Variants in ELOVL6 observed in about 807,000 individuals in gnomAD.
The protein encoded by ELOVL6 is very long chain fatty acid elongase 6.
Under a neutral mutation model 31.7 loss-of-function variants are expected in ELOVL6, and 8 were observed. That is an observed-to-expected ratio of 0.25 (90% CI 0.15 to 0.45). The LOEUF (loss-of-function observed/expected upper bound fraction) is 0.45. ELOVL6 is among the 20% of genes least tolerant of loss of function. The pLI is 1.00. For synonymous variants in ELOVL6, 101 were observed against 117.7 expected (o/e 0.86, Z 0.92); for missense variants, 126 against 326.4 (o/e 0.39, Z 4.73).
rs78751386 is a variant in ELOVL6 at position 110,069,321 on chromosome 4, C to CT, written c.222-9568dup. Among the ~76,000 whole-genome samples, 51 of 147,856 alleles carry CT rather than the reference C, an allele frequency of 3.4e-4. 1 individual carries two copies. The highest frequency in any genetic ancestry group is 3.5e-3 in the Middle Eastern group (1 of 282). On this transcript the variant is annotated intron_variant, in intron 2 of 3. Coordinates refer to ENST00000302274, the MANE Select transcript of ELOVL6 (RefSeq NM_024090.3). The stretch of plus-strand genomic sequence containing the variant: ...GCAGGATTTATGTCACTTAAGCTAC[C>CT]TTTTTTTTTTTCTTTGAGATATAAA...
chr4:110,177,286 G>A (rs932345213), intron 1 of ELOVL6, among the ~76,000 whole-genome samples: 2 of 152,046 alleles, frequency 1.3e-5, no homozygotes, highest in African/African-American at 2.4e-5. Flanking sequence ...AAAAATTTTA[G>A]AATTTGTCAG....
At chr4:110,098,900 C>G (rs1479651655) in intron 2 of ELOVL6, among the ~76,000 whole-genome samples, 1 of 152,104 alleles carries the variant, frequency 6.6e-6, no homozygotes, top group Non-Finnish European at 1.5e-5. Context: ...CAATCATTGT[C>G]ATCATCATTG....
chr4:110,186,828 T>A (rs1390655007), intron 1 of ELOVL6, among the ~76,000 whole-genome samples: 40 of 132,478 alleles, frequency 3.0e-4, no homozygotes, highest in Middle Eastern at 3.8e-3. Context: ...AAAAAATATA[T>A]ATATATATAT....
chr4:110,172,419 T>C (rs1758975709), intron 1 of ELOVL6, among the ~76,000 whole-genome samples: 1 of 152,232 alleles, frequency 6.6e-6, no homozygotes, highest in Non-Finnish European at 1.5e-5. Context: ...AGGAACTTAA[T>C]TCTTATATTC....
chr4:110,078,216 T>A (rs1189643377), intron 2 of ELOVL6, among the ~76,000 whole-genome samples: 1 of 152,164 alleles, frequency 6.6e-6, no homozygotes, highest in African/African-American at 2.4e-5. Context: ...AGGACAACAT[T>A]CATATTCAGG....
At position 110,083,972 on chromosome 4, in the gene ELOVL6, A is replaced by AT. The variant is rs368537266; in HGVS notation, c.221+21524_221+21525insA. Among the ~76,000 whole-genome samples the AT allele has an allele frequency of 1.1e-4, 11 of 97,544 alleles. 1 individual carries two copies. Among genetic ancestry groups the AT allele is most frequent in the Non-Finnish European group, 2.7e-4 (11 of 41,508 alleles). 64.0% of individuals were successfully genotyped at this position (97,544 alleles called of 152,430 possible). On this transcript the variant is annotated intron_variant, in intron 2 of 3. Transcript: ENST00000302274. Reference sequence around the variant, plus strand: ...ATGTTATATATGATATATATGATATAACATATGCCATATACGATATATAAC... The same window carrying AT: ...ATGTTATATATGATATATATGATATATACATATGCCATATACGATATATAAC...
chr4:110,165,022 T>G (rs80063223), intron 1 of ELOVL6, among the ~76,000 whole-genome samples: 5,313 of 152,142 alleles, frequency 0.035, 310 homozygotes, highest in African/African-American at 0.12. Flanking sequence ...ATTTCCTGAA[T>G]GTAATGTGGT....
chr4:110,107,604 G>A (rs1415787628), intron 1 of ELOVL6, among the ~76,000 whole-genome samples: 3 of 152,108 alleles, frequency 2.0e-5, no homozygotes, highest in Admixed American at 6.5e-5. Flanking sequence ...AGTACTTTTG[G>A]CCATAAATTA....
intron 1 of ELOVL6, among the ~76,000 whole-genome samples, chr4:110,153,251 G>C (rs923013697): frequency 5.9e-5 from 9 of 152,160 alleles, no homozygotes; most frequent in African/African-American, 2.2e-4. Flanking sequence ...CAGTAAAATT[G>C]TGGTACACAT....
rs148102568 is a variant in ELOVL6, at chr4:110,192,046, C to T, written c.89+6201G>A. Among the ~76,000 whole-genome samples the T allele has an allele frequency of 5.2e-3, 793 of 151,774 alleles. 8 individuals are homozygous for T. Among genetic ancestry groups the T allele is most frequent in the Middle Eastern group, 0.021 (6 of 288 alleles). ...TTCTACTAAATACAAAAAAATCAGC[C>T]GGGTGTAGTGGCGCATGCCTGTAAA... On this transcript the variant is annotated intron_variant, in intron 1 of 3. Coordinates refer to ENST00000302274, the MANE Select transcript of ELOVL6 (RefSeq NM_024090.3).
intron 3 of ELOVL6, 36 bp downstream of exon 3, chr4:110,059,567 C>G (rs1425136345): frequency 1.3e-6 from 2 of 1,592,796 alleles, no homozygotes; most frequent in South Asian, 2.3e-5. Flanking sequence ...TATGTTGCTA[C>G]AAAGAGAGGG....
intron 2 of ELOVL6, among the ~76,000 whole-genome samples, chr4:110,082,766 C>T (rs1755906631): frequency 6.6e-6 from 1 of 152,108 alleles, no homozygotes; most frequent in South Asian, 2.1e-4. Context: ...TAAAAAATCA[C>T]CTAGCAACAT....
intron 1 of ELOVL6, among the ~76,000 whole-genome samples, chr4:110,169,464 A>G (rs1758880127): frequency 6.6e-6 from 1 of 151,286 alleles, no homozygotes; most frequent in African/African-American, 2.4e-5. Context: ...GCTGGCCTGT[A>G]ACTCCTGACC....
At chr4:110,129,949 A>T (rs1757621040) in intron 1 of ELOVL6, among the ~76,000 whole-genome samples, 1 of 121,920 alleles carries the variant, frequency 8.2e-6, no homozygotes, top group East Asian at 2.7e-4. Flanking sequence ...ACCAGGCTGG[A>T]GTGCAGTAAT....
At chr4:110,174,050 T>C (rs560816456) in intron 1 of ELOVL6, among the ~76,000 whole-genome samples, 1 of 151,872 alleles carries the variant, frequency 6.6e-6, no homozygotes, top group Non-Finnish European at 1.5e-5. Context: ...AAAAATAGCA[T>C]GACTTTCAAT....
intron 1 of ELOVL6, among the ~76,000 whole-genome samples, chr4:110,130,691 A>T (rs1239801821): frequency 6.6e-6 from 1 of 152,200 alleles, no homozygotes; most frequent in Non-Finnish European, 1.5e-5. Context: ...CCGGCCAAGG[A>T]TTGGATAGTT....
intron 1 of ELOVL6, among the ~76,000 whole-genome samples, chr4:110,110,372 CG>C (rs1560826934): frequency 1.3e-5 from 1 of 75,662 alleles, no homozygotes; most frequent in African/African-American, 1.4e-4. Flanking sequence ...ATTTTTTTTA[CG>C]TTAAAAAAAA....
At chr4:110,158,801 C>T (rs1201062903) in intron 1 of ELOVL6, among the ~76,000 whole-genome samples, 2 of 151,434 alleles carry the variant, frequency 1.3e-5, no homozygotes, top group African/African-American at 4.9e-5. Flanking sequence ...GCTGGGACTA[C>T]AGGCGCATGC....
intron 2 of ELOVL6, among the ~76,000 whole-genome samples, chr4:110,084,584 ATATATTTTTTTTTT>A (rs1411419616): frequency 0.07 from 3,798 of 54,494 alleles, 148 homozygotes; most frequent in South Asian, 0.092. Flanking sequence ...ATATATATAT[ATATATTTTTTTTTT>A]TTTTTTTTTT....
Sources: gnomAD v4.1 joint callset for allele counts (sites outside exome capture counted in the v4.1 genomes callset) on GRCh38, gnomAD v4.1.1 for gene constraint, MANE v1.5 for transcripts, NCBI Gene and HGNC (gene_info 2026-07-23, HGNC 2026-07-21) for gene names.